THRB: variants seen among roughly 807,000 people sequenced by gnomAD.
THRB encodes nuclear receptor subfamily 1 group A member 2.
A neutral mutation model predicts 47.8 loss-of-function variants in THRB; 12 were observed. The ratio of observed to expected loss-of-function variants is 0.25; its 90% CI spans 0.16 to 0.41. The LOEUF (loss-of-function observed/expected upper bound fraction) is 0.41. Among genes scored for constraint, THRB ranks in the 10% least tolerant of loss-of-function variants. The probability of loss-of-function intolerance (pLI) is 1.00; values close to 1 mark genes in which losing one functional copy is unlikely to be tolerated. For synonymous variants in THRB, 218 were observed against 212.2 expected (o/e 1.03, Z -0.24); for missense variants, 348 against 589.2 (o/e 0.59, Z 4.24).
At chr3:24,431,220 A>C (rs2070362185) in intron 1 of THRB, 1 of 151,516 alleles carries the variant, frequency 6.6e-6, no homozygotes. Context: ...ACTTTGCAAC[A>C]CCTAAAAATG....
At chr3:24,209,758 G>T (rs1273247846) in intron 4 of THRB, among the ~76,000 whole-genome samples, 3 of 151,904 alleles carry the variant, frequency 2.0e-5, no homozygotes, top group Admixed American at 6.6e-5. Flanking sequence ...ACACCAAGAT[G>T]GCACATGTAT....
chr3:24,437,968 A>G (rs191104150), intron 1 of THRB, among the ~76,000 whole-genome samples: 62 of 151,762 alleles, frequency 4.1e-4, no homozygotes, highest in East Asian at 3.9e-3. Context: ...CGGCATCTTA[A>G]TATCTTAGCT....
intron 1 of THRB, among the ~76,000 whole-genome samples, chr3:24,491,249 AAC>A (rs1234206991): frequency 1.3e-5 from 2 of 152,288 alleles, no homozygotes; most frequent in Admixed American, 6.5e-5. Context: ...TCCCATTTTT[AAC>A]AGTCTGATTT....
At chr3:24,191,041 C>A (rs13097337) in intron 4 of THRB, among the ~76,000 whole-genome samples, 2,607 of 151,944 alleles carry the variant, frequency 0.017, 26 homozygotes, top group Non-Finnish European at 0.027. Flanking sequence ...AACTTAAATT[C>A]TTTGGAGTAC....
intron 1 of THRB, among the ~76,000 whole-genome samples, chr3:24,376,230 C>T (rs563792363): frequency 2.0e-5 from 3 of 152,282 alleles, no homozygotes; most frequent in Admixed American, 6.5e-5. Context: ...AGGCACTAGA[C>T]AACAGTCCAC....
chr3:24,275,213 G>GC (rs2053784724), intron 3 of THRB, among the ~76,000 whole-genome samples: 2 of 151,984 alleles, frequency 1.3e-5, no homozygotes, highest in Non-Finnish European at 2.9e-5. Context: ...TTTTCTTCGT[G>GC]CAAAAAAGAT....
At chr3:24,176,058 A>G (rs1350470620) in intron 5 of THRB, among the ~76,000 whole-genome samples, 2 of 152,174 alleles carry the variant, frequency 1.3e-5, no homozygotes, top group Non-Finnish European at 2.9e-5. Context: ...GATCACTTCA[A>G]TGATTTATCT....
At chr3:24,451,217 C>A (rs552515535) in intron 1 of THRB, among the ~76,000 whole-genome samples, 6 of 150,526 alleles carry the variant, frequency 4.0e-5, no homozygotes, top group South Asian at 4.2e-4. Flanking sequence ...AAGCTACAAG[C>A]CACTACATGT....
At chr3:24,379,957 C>T (rs774042343) in intron 1 of THRB, among the ~76,000 whole-genome samples, 6 of 151,626 alleles carry the variant, frequency 4.0e-5, no homozygotes, top group Non-Finnish European at 8.8e-5. Flanking sequence ...AGTAACTTTA[C>T]ACATTCTTCC....
intron 5 of THRB, among the ~76,000 whole-genome samples, chr3:24,167,483 T>C (rs2596625): frequency 0.16 from 24,243 of 152,186 alleles, 2,203 homozygotes; most frequent in Admixed American, 0.28. Context: ...TCAAAACATT[T>C]CATTGGAAGC....
chr3:24,465,378 T>G (rs773821636), intron 1 of THRB, among the ~76,000 whole-genome samples: 1 of 152,176 alleles, frequency 6.6e-6, no homozygotes, highest in Non-Finnish European at 1.5e-5. Context: ...CTCATCAGGA[T>G]GAGGTGAAGT....
intron 1 of THRB, among the ~76,000 whole-genome samples, chr3:24,435,368 A>C (rs1315798176): frequency 6.6e-6 from 1 of 152,192 alleles, no homozygotes; most frequent in African/African-American, 2.4e-5. Context: ...GGAGATTAAA[A>C]AGGATGATGT....
intron 10 of THRB, among the ~76,000 whole-genome samples, chr3:24,124,512 C>T (rs533161341): frequency 4.5e-4 from 68 of 152,200 alleles, no homozygotes; most frequent in African/African-American, 1.4e-3. Context: ...GAGATAAAGA[C>T]GAGATGGCCA....
At chr3:24,214,129 G>T (rs1559623144) in intron 4 of THRB, among the ~76,000 whole-genome samples, 2 of 152,182 alleles carry the variant, frequency 1.3e-5, no homozygotes, top group Non-Finnish European at 2.9e-5. Flanking sequence ...CTTGCCCAAG[G>T]TCACAGCTGA....
chr3:24,139,397 T>TC (rs1346099911), intron 8 of THRB, among the ~76,000 whole-genome samples: 4 of 151,654 alleles, frequency 2.6e-5, no homozygotes, highest in Non-Finnish European at 5.9e-5. Context: ...TTCTTTTTTT[T>TC]TTTTGAGACA....
At chr3:24,365,539 A>G (rs967522495) in intron 1 of THRB, among the ~76,000 whole-genome samples, 1 of 152,228 alleles carries the variant, frequency 6.6e-6, no homozygotes, top group Admixed American at 6.5e-5. Flanking sequence ...GAGCAAATCC[A>G]TTACCAGCTT....
At chr3:24,409,771 T>G (rs1336828156) in intron 1 of THRB, among the ~76,000 whole-genome samples, 1 of 151,824 alleles carries the variant, frequency 6.6e-6, no homozygotes, top group East Asian at 2.0e-4. Flanking sequence ...GTGGTACCCA[T>G]GCAGCTACAA....
chr3:24,430,140 G>A (rs937558648), intron 1 of THRB: 8 of 152,142 alleles, frequency 5.3e-5, no homozygotes, highest in Non-Finnish European at 1.0e-4. Flanking sequence ...CCATTGTGGA[G>A]TTTATCAGGA....
At chr3:24,486,429 A>G (rs921964700) in intron 1 of THRB, 1 of 152,200 alleles carries the variant, frequency 6.6e-6, no homozygotes, top group African/African-American at 2.4e-5. Flanking sequence ...CAGATGTCCC[A>G]TGCATTTGTG....
Sources: gnomAD v4.1 joint callset for allele counts (sites outside exome capture counted in the v4.1 genomes callset) on GRCh38, gnomAD v4.1.1 for gene constraint, MANE v1.5 for transcripts, NCBI Gene and HGNC (gene_info 2026-07-23, HGNC 2026-07-21) for gene names.